Variants in SNTB2 observed in about 807,000 individuals in gnomAD.
SNTB2 encodes syntrophin beta 2.
In SNTB2, 34 loss-of-function variants were observed where a neutral mutation model predicts 46.2. The ratio of observed to expected loss-of-function variants is 0.74; its 90% CI spans 0.56 to 0.98. The LOEUF (loss-of-function observed/expected upper bound fraction) is 0.98. Ranked by LOEUF, SNTB2 falls within the 50% of genes least tolerant of loss-of-function variation. SNTB2 has a pLI of 0.00. For synonymous variants in SNTB2, 290 were observed against 312.6 expected, an observed-to-expected ratio of 0.93 and a Z score of 0.76; for missense variants, 603 against 731.4, an observed-to-expected ratio of 0.82 and a Z score of 2.02.
chr16:69,295,442 G>T (rs1468798208), intron 5 of SNTB2, among the ~76,000 whole-genome samples: 1 of 151,132 alleles, frequency 6.6e-6, no homozygotes, highest in Non-Finnish European at 1.5e-5. Context: ...TAGAGACAGG[G>T]TTTCACCATA....
intron 3 of SNTB2, among the ~76,000 whole-genome samples, chr16:69,266,389 C>CA (rs1010785151): frequency 2.0e-5 from 3 of 150,128 alleles, no homozygotes; most frequent in Non-Finnish European, 3.0e-5. Context: ...CAAAACAAAA[C>CA]AAAAAAAAGT....
chr16:69,284,293 A>G (rs1384693589), intron 5 of SNTB2, 49 bp downstream of exon 5: 2 of 1,490,358 alleles, frequency 1.3e-6, no homozygotes, highest in South Asian at 1.3e-5. Context: ...TAGAACTGTT[A>G]TATAGTCATG....
intron 1 of SNTB2, among the ~76,000 whole-genome samples, chr16:69,196,557 T>C (rs1192390891): frequency 6.6e-6 from 1 of 151,916 alleles, no homozygotes; most frequent in Non-Finnish European, 1.5e-5. Flanking sequence ...GTATTTTTAG[T>C]AGAGATGGAG....
chr16:69,260,282 A>C (rs1964822972), intron 3 of SNTB2, 22 bp downstream of exon 3: 2 of 1,609,734 alleles, frequency 1.2e-6, no homozygotes, highest in Admixed American at 3.3e-5. Context: ...GGCAGGGCAG[A>C]GTATCACCTG....
intron 1 of SNTB2, 26 bp downstream of exon 1, chr16:69,187,772 G>GC: frequency 2.3e-6 from 1 of 428,404 alleles, no homozygotes; most frequent in African/African-American, 2.2e-5. Flanking sequence ...CGGGAGGGTG[G>GC]GCAGGCCGCG....
intron 1 of SNTB2, among the ~76,000 whole-genome samples, chr16:69,215,813 T>C (rs1413870906): frequency 6.6e-6 from 1 of 152,170 alleles, no homozygotes; most frequent in African/African-American, 2.4e-5. Context: ...GGTTTTTCTT[T>C]TGTTTTTGAT....
intron 1 of SNTB2, among the ~76,000 whole-genome samples, chr16:69,208,639 G>C (rs923479563): frequency 1.3e-5 from 2 of 152,080 alleles, no homozygotes; most frequent in Non-Finnish European, 2.9e-5. Context: ...AAAAAGAAAA[G>C]CTCTTTAAAA....
At chr16:69,196,275 T>A (rs1964104729) in intron 1 of SNTB2, among the ~76,000 whole-genome samples, 1 of 152,038 alleles carries the variant, frequency 6.6e-6, no homozygotes, top group Admixed American at 6.6e-5. Flanking sequence ...AGTTGTACAT[T>A]TTTAAAAACA....
intron 5 of SNTB2, among the ~76,000 whole-genome samples, chr16:69,295,383 G>A (rs182752208): frequency 3.3e-5 from 5 of 151,642 alleles, no homozygotes; most frequent in Non-Finnish European, 5.9e-5. Context: ...CCGAGTAGCT[G>A]GGACTACAGG....
intron 1 of SNTB2, among the ~76,000 whole-genome samples, chr16:69,220,581 G>A (rs1445760128): frequency 1.3e-5 from 2 of 151,470 alleles, no homozygotes; most frequent in Admixed American, 6.6e-5. Context: ...AAGCTGGAGT[G>A]CGGTGGCACA....
At chr16:69,270,575 T>A (rs925041819) in intron 4 of SNTB2, among the ~76,000 whole-genome samples, 3 of 152,162 alleles carry the variant, frequency 2.0e-5, no homozygotes, top group Non-Finnish European at 4.4e-5. Context: ...ATTATAGGGT[T>A]TTTTTTTCTT....
At chr16:69,227,706 CTG>C (rs997175364) in intron 1 of SNTB2, among the ~76,000 whole-genome samples, 2 of 152,202 alleles carry the variant, frequency 1.3e-5, no homozygotes, top group Non-Finnish European at 2.9e-5. Flanking sequence ...AAAACAAAAA[CTG>C]TGACATATGG....
At chr16:69,201,819 A>G (rs1029754695) in intron 1 of SNTB2, among the ~76,000 whole-genome samples, 1 of 152,058 alleles carries the variant, frequency 6.6e-6, no homozygotes, top group Non-Finnish European at 1.5e-5. Flanking sequence ...ATTCAATAGT[A>G]TTATTATTAT....
At position 69,187,447 on chromosome 16, in the gene SNTB2, C is replaced by T; in HGVS notation, c.281C>T (p.Pro94Leu). ...AGCCCAAGCCGCGGCCTGGGGCCCC[C>T]GAGCCCGCCGGCGCCGCCTCGGGGC... ...PGSPSRGLGP[P>L]SPPAPPRGPA... is the part of the protein sequence containing the mutation. Residue 94 changes from proline (P) to leucine (L), a missense_variant, in exon 1 of 7, where the codon CCG (proline) becomes CTG (leucine). By Grantham distance (98) the Pro-to-Leu change is moderately conservative. Coordinates refer to ENST00000336278, the MANE Select transcript of SNTB2 (RefSeq NM_006750.4). 1.7e-6 allele frequency: 2 copies of T among 1,165,540 alleles called. No homozygotes were observed. The highest frequency in any genetic ancestry group is 4.2e-5 in the South Asian group (1 of 23,734). 72.2% of individuals were successfully genotyped at this position (1,165,540 alleles called of 1,614,324 possible). A position where few individuals can be genotyped will look rare whatever the true frequency, so the allele number is the denominator to read the frequency against.
chr16:69,301,262 C>A lies in SNTB2; in HGVS notation c.*338C>A, dbSNP rs1373465308. The stretch of plus-strand genomic sequence containing the variant: ...CATTGTTTTCATTTTTAGACATAAT[C>A]AAATACCCAAGCATTGTTTTCTTTT... On this transcript the variant is annotated 3_prime_UTR_variant, in exon 7 of 7. Transcript: ENST00000336278. The A allele has an allele frequency of 9.7e-6, 2 of 205,582 alleles. No individual in the cohort carries two copies. The highest frequency in any genetic ancestry group is 2.0e-5 in the Non-Finnish European group (2 of 98,584). 12.7% of individuals were successfully genotyped at this position (205,582 alleles called of 1,614,324 possible).
At position 69,299,591 on chromosome 16, in the gene SNTB2, C is replaced by G; in HGVS notation, c.1347C>G (p.Gly449=). The G allele has an allele frequency of 6.2e-7, 1 of 1,613,006 alleles. No homozygotes were observed. The highest frequency in any genetic ancestry group is 8.5e-7 in the Non-Finnish European group (1 of 1,179,374). The change falls in exon 6 of 7, where the codon GGC becomes GGG. Residue 449 remains glycine (G), a splice_region_variant and synonymous_variant. Coordinates refer to ENST00000336278, the MANE Select transcript of SNTB2 (RefSeq NM_006750.4). ...ATGTTTTTTGCTTTTCTTCAACAGG[C>G]TGCATGTTAAATGGCCAAGAGGTGA... The part of the protein sequence containing the change: ...AAELIKEVSL[G]CMLNGQEVRL...
At chr16:69,234,949 C>T (rs143460466) in intron 1 of SNTB2, among the ~76,000 whole-genome samples, 7 of 152,142 alleles carry the variant, frequency 4.6e-5, no homozygotes, top group African/African-American at 1.7e-4. Flanking sequence ...GTGATCCACC[C>T]GCTCTGGCCT....
chr16:69,300,826 C>T lies in SNTB2; in HGVS notation c.1531-6C>T, dbSNP rs778836453. 7 of 1,605,632 alleles carry T rather than the reference C, an allele frequency of 4.4e-6. No individual in the cohort carries two copies. Among genetic ancestry groups the T allele is most frequent in the Non-Finnish European group, 6.0e-6 (7 of 1,172,482 alleles). On this transcript the variant is annotated splice_polypyrimidine_tract_variant and splice_region_variant and intron_variant, in intron 6 of 6. Transcript: ENST00000336278. ...GGTAGTGATGCTTAGTGTCCTTTCTCCACAGACCATGGACCTGCACTCTTG... is the reference window on the plus strand; with the variant it reads ...GGTAGTGATGCTTAGTGTCCTTTCTTCACAGACCATGGACCTGCACTCTTG...
At chr16:69,199,872 T>G (rs1009268523) in intron 1 of SNTB2, among the ~76,000 whole-genome samples, 1 of 152,116 alleles carries the variant, frequency 6.6e-6, no homozygotes. Flanking sequence ...AGGGGGACTT[T>G]TAAAAAATGT....
Sources: allele counts gnomAD v4.1 joint callset (sites outside exome capture counted in the v4.1 genomes callset), GRCh38; gene constraint gnomAD v4.1.1; transcripts MANE v1.5; gene names NCBI Gene and HGNC (gene_info 2026-07-23, HGNC 2026-07-21).